The following FHIT variants were observed in gnomAD, a reference collection of about 807,000 sequenced individuals.
FHIT encodes the protein bis(5'-adenosyl)-triphosphatase.
FHIT carries 19 observed loss-of-function variants against 17.9 expected under a neutral mutation model. The ratio of observed to expected loss-of-function variants is 1.06; its 90% CI spans 0.74 to 1.56. The LOEUF (loss-of-function observed/expected upper bound fraction) is 1.56. Among genes scored for constraint, FHIT ranks in the 40% most tolerant of loss-of-function variants. The probability of loss-of-function intolerance (pLI) is 0.00; values close to 1 mark genes in which losing one functional copy is unlikely to be tolerated. For missense variants in FHIT, 248 were observed against 189.2 expected (o/e 1.31, Z -1.82); for synonymous variants, 81 against 69.7 (o/e 1.16, Z -0.81).
rs141259569 is a variant in FHIT, at chr3:60,592,833, G to C, written c.-17-55854C>G. On this transcript the variant is annotated intron_variant, in intron 4 of 9. Coordinates refer to ENST00000492590, the MANE Select transcript of FHIT (RefSeq NM_002012.4). ...AGTAGGAAAGTAGCCTGAGTCTGGA[G>C]AGAGTGAGTAGAGCCTCCGTGAGAT... Among the ~76,000 whole-genome samples, 5 of 152,230 alleles carry C rather than the reference G, an allele frequency of 3.3e-5. No homozygotes were observed. The East Asian group carries it at 9.7e-4, about 30-fold the overall frequency.
chr3:60,827,999 G>T (rs1330239177), intron 3 of FHIT, among the ~76,000 whole-genome samples: 1 of 152,142 alleles, frequency 6.6e-6, no homozygotes, highest in Non-Finnish European at 1.5e-5. Context: ...GATATATTTT[G>T]GATAGTGGTT....
intron 1 of FHIT, among the ~76,000 whole-genome samples, chr3:61,202,556 T>C (rs547611776): frequency 3.3e-5 from 5 of 151,434 alleles, no homozygotes; most frequent in Non-Finnish European, 5.9e-5. Flanking sequence ...AATATATGGA[T>C]GTAGAGTTTC....
chr3:60,173,915 A>ATATTTTTTTTTTTTTT, intron 5 of FHIT, among the ~76,000 whole-genome samples: 2 of 66,444 alleles, frequency 3.0e-5, no homozygotes, highest in Non-Finnish European at 5.5e-5. Flanking sequence ...ATATATATAT[A>ATATTTTTTTTTTTTTT]TGTTTTTTTT....
chr3:60,732,070 A>C (rs919070688), intron 4 of FHIT: 1 of 570,270 alleles, frequency 1.8e-6, no homozygotes, highest in Non-Finnish European at 3.2e-6. Flanking sequence ...TACTGCGAGC[A>C]AATGGGGTGG....
intron 5 of FHIT, among the ~76,000 whole-genome samples, chr3:60,337,538 G>A (rs965234198): frequency 2.6e-5 from 4 of 152,114 alleles, no homozygotes; most frequent in African/African-American, 7.2e-5. Flanking sequence ...GTTTTGTCAT[G>A]ACACATACAA....
At chr3:60,207,853 G>C (rs929248510) in intron 5 of FHIT, among the ~76,000 whole-genome samples, 5 of 152,168 alleles carry the variant, frequency 3.3e-5, no homozygotes, top group Admixed American at 2.0e-4. Flanking sequence ...TGTATTCTTA[G>C]AAGAGAGGCT....
At chr3:60,747,775 C>T (rs1190833680) in intron 4 of FHIT, among the ~76,000 whole-genome samples, 1 of 151,992 alleles carries the variant, frequency 6.6e-6, no homozygotes, top group African/African-American at 2.4e-5. Flanking sequence ...AATATTATCC[C>T]CATTAACAAA....
At chr3:60,006,922 T>C in intron 7 of FHIT, among the ~76,000 whole-genome samples, 2 of 152,306 alleles carry the variant, frequency 1.3e-5, no homozygotes, top group East Asian at 3.9e-4. Flanking sequence ...AATTTTTGAA[T>C]TATACTTCTA....
intron 7 of FHIT, among the ~76,000 whole-genome samples, chr3:60,000,508 C>T (rs1380204839): frequency 6.6e-6 from 1 of 152,122 alleles, no homozygotes; most frequent in Non-Finnish European, 1.5e-5. Context: ...AGTCTGCCAA[C>T]CCCTGGTGTG....
At chr3:60,636,070 A>ATT (rs3037240) in intron 4 of FHIT, among the ~76,000 whole-genome samples, 332 of 146,988 alleles carry the variant, frequency 2.3e-3, no homozygotes, top group African/African-American at 6.9e-3. Context: ...TTGTACAATG[A>ATT]TTTTTTTTTT....
intron 3 of FHIT, among the ~76,000 whole-genome samples, chr3:60,843,994 T>C (rs1341205524): frequency 1.3e-5 from 2 of 152,008 alleles, no homozygotes; most frequent in African/African-American, 2.4e-5. Context: ...CAGTGAAAAA[T>C]AGAGCTTGGA....
chr3:60,637,295 G>A (rs1268740325), intron 4 of FHIT, among the ~76,000 whole-genome samples: 3 of 152,146 alleles, frequency 2.0e-5, no homozygotes, highest in African/African-American at 7.2e-5. Flanking sequence ...AATTACCTAA[G>A]TAAATGCTTT....
At chr3:60,002,876 T>C (rs1174458154) in intron 7 of FHIT, among the ~76,000 whole-genome samples, 1 of 152,092 alleles carries the variant, frequency 6.6e-6, no homozygotes, top group Non-Finnish European at 1.5e-5. Flanking sequence ...AATATATTTA[T>C]AAAAATAAAC....
At chr3:60,197,990 A>G (rs985471567) in intron 5 of FHIT, among the ~76,000 whole-genome samples, 1 of 152,200 alleles carries the variant, frequency 6.6e-6, no homozygotes, top group Non-Finnish European at 1.5e-5. Flanking sequence ...GAGGTTCTGT[A>G]TACACCTTCT....
intron 8 of FHIT, among the ~76,000 whole-genome samples, chr3:59,786,862 A>T (rs1564912): frequency 0.26 from 39,160 of 151,926 alleles, 5,367 homozygotes; most frequent in South Asian, 0.44. Context: ...ACCTCATTGA[A>T]GAAATCAAGG....
rs149852301 is a variant in FHIT, at chr3:60,731,203, G to A, written c.-18+90716C>T. 8.4e-4 allele frequency among the ~76,000 whole-genome samples: 128 copies of A among 152,170 alleles called. 1 individual carries two copies. Among genetic ancestry groups the A allele is most frequent in the African/African-American group, 3.0e-3 (126 of 41,520 alleles). On this transcript the variant is annotated intron_variant, in intron 4 of 9. Coordinates refer to ENST00000492590, the MANE Select transcript of FHIT (RefSeq NM_002012.4). ...TACGTTACTGGCCGAACATATCTGA[G>A]TCATGCGTCATCAAAGAATGTTACC...
At chr3:59,768,458 C>T (rs1701911021) in intron 8 of FHIT, among the ~76,000 whole-genome samples, 1 of 152,190 alleles carries the variant, frequency 6.6e-6, no homozygotes, top group African/African-American at 2.4e-5. Flanking sequence ...GATGGCATTT[C>T]TTCCCCTGAT....
intron 4 of FHIT, among the ~76,000 whole-genome samples, chr3:60,611,634 G>T (rs567065888): frequency 1.3e-5 from 2 of 152,280 alleles, no homozygotes; most frequent in South Asian, 4.1e-4. Flanking sequence ...TGATTTTTAT[G>T]TAGTGTAGGA....
chr3:60,029,338 T>TA (rs928054260), intron 5 of FHIT, among the ~76,000 whole-genome samples: 3 of 152,088 alleles, frequency 2.0e-5, no homozygotes, highest in African/African-American at 7.2e-5. Flanking sequence ...TCCAATGTGT[T>TA]AAAAAATATT....
Sources: gnomAD v4.1 joint callset for allele counts (sites outside exome capture counted in the v4.1 genomes callset) on GRCh38, gnomAD v4.1.1 for gene constraint, MANE v1.5 for transcripts, NCBI Gene and HGNC (gene_info 2026-07-23, HGNC 2026-07-21) for gene names.